The following INPP4B variants were observed in gnomAD, a reference collection of about 807,000 sequenced individuals.
INPP4B encodes the protein inositol polyphosphate 4-phosphatase type II.
Under a neutral mutation model 122.5 loss-of-function variants are expected in INPP4B, and 55 were observed. The observed-to-expected ratio is 0.45, with a 90% CI of 0.36 to 0.56. The LOEUF is 0.56. Among genes scored for constraint, INPP4B ranks in the 20% least tolerant of loss-of-function variants. The pLI is 0.00. For synonymous variants in INPP4B, 403 were observed against 388.7 expected, an observed-to-expected ratio of 1.04 and a Z score of -0.43; for missense variants, 1,000 against 1,097.7, an observed-to-expected ratio of 0.91 and a Z score of 1.26.
At chr4:142,460,624 T>C (rs894322213) in intron 3 of INPP4B, among the ~76,000 whole-genome samples, 3 of 152,148 alleles carry the variant, frequency 2.0e-5, no homozygotes. Context: ...GAGTAGTAAT[T>C]AAAAAGCAGC....
intron 7 of INPP4B, among the ~76,000 whole-genome samples, chr4:142,382,547 A>G (rs555376599): frequency 1.5e-3 from 192 of 126,718 alleles, no homozygotes; most frequent in African/African-American, 6.2e-3. Context: ...ACATATATAT[A>G]TATATTTACA....
intron 1 of INPP4B, among the ~76,000 whole-genome samples, chr4:142,843,816 T>C (rs531096150): frequency 4.6e-5 from 7 of 152,096 alleles, no homozygotes; most frequent in Non-Finnish European, 8.8e-5. Context: ...ATTGTCATCT[T>C]GGGTTCTCCC....
intron 18 of INPP4B, among the ~76,000 whole-genome samples, chr4:142,133,550 A>C (rs900702587): frequency 6.6e-6 from 1 of 152,178 alleles, no homozygotes; most frequent in Non-Finnish European, 1.5e-5. Context: ...TTAATATCTA[A>C]GTCAAATCAG....
chr4:142,088,818 T>C (rs1778071508), intron 23 of INPP4B, among the ~76,000 whole-genome samples: 1 of 152,180 alleles, frequency 6.6e-6, no homozygotes, highest in South Asian at 2.1e-4. Flanking sequence ...TCTTACGATA[T>C]AAAGACCCGA....
chr4:142,571,791 G>C (rs768842020), intron 2 of INPP4B, among the ~76,000 whole-genome samples: 5 of 152,052 alleles, frequency 3.3e-5, no homozygotes, highest in Admixed American at 6.6e-5. Context: ...AAAGTAAACA[G>C]AGCACAAGTT....
chr4:142,487,933 TG>T (rs976268839), intron 2 of INPP4B, among the ~76,000 whole-genome samples: 1 of 152,142 alleles, frequency 6.6e-6, no homozygotes, highest in African/African-American at 2.4e-5. Flanking sequence ...CTTTTTGCAT[TG>T]ATTAGGATTT....
chr4:142,679,265 C>G (rs947635013), intron 2 of INPP4B, among the ~76,000 whole-genome samples: 4 of 151,874 alleles, frequency 2.6e-5, no homozygotes, highest in Admixed American at 1.3e-4. Flanking sequence ...AAACATCTAT[C>G]TAGACCTCAA....
chr4:142,797,064 T>A (rs1777354776), intron 1 of INPP4B, among the ~76,000 whole-genome samples: 2 of 151,920 alleles, frequency 1.3e-5, no homozygotes, highest in African/African-American at 4.8e-5. Flanking sequence ...GAGATTATAT[T>A]CATCAGTGAA....
intron 1 of INPP4B, among the ~76,000 whole-genome samples, chr4:142,845,682 C>T (rs1784095466): frequency 6.6e-6 from 1 of 152,136 alleles, no homozygotes; most frequent in African/African-American, 2.4e-5. Context: ...ATCAGTCACC[C>T]TCACTCCCCA....
chr4:142,437,072 G>T (rs186120767), intron 3 of INPP4B, among the ~76,000 whole-genome samples: 1 of 152,148 alleles, frequency 6.6e-6, no homozygotes, highest in Non-Finnish European at 1.5e-5. Context: ...GAACATAAAT[G>T]ACCTGGAGCT....
intron 19 of INPP4B, 48 bp downstream of exon 19, chr4:142,124,540 T>C: frequency 6.6e-7 from 1 of 1,510,488 alleles, no homozygotes; most frequent in Non-Finnish European, 9.2e-7. Context: ...GGATAGGATG[T>C]TAACAATCCG....
chr4:142,494,417 G>A (rs1822267745), intron 2 of INPP4B, among the ~76,000 whole-genome samples: 1 of 152,066 alleles, frequency 6.6e-6, no homozygotes, highest in Non-Finnish European at 1.5e-5. Context: ...AATTTACCAA[G>A]AGAGATTTAT....
chr4:142,751,334 T>C (rs929869449), intron 1 of INPP4B, among the ~76,000 whole-genome samples: 2 of 147,748 alleles, frequency 1.4e-5, no homozygotes, highest in Non-Finnish European at 3.0e-5. Flanking sequence ...TGACCTCAAG[T>C]ATGGAGAGGG....
At chr4:142,070,419 A>T (rs1250286333) in intron 25 of INPP4B, among the ~76,000 whole-genome samples, 1 of 152,184 alleles carries the variant, frequency 6.6e-6, no homozygotes, top group Admixed American at 6.6e-5. Flanking sequence ...CCCTTTGAAA[A>T]CTGGCACAAG....
chr4:142,707,260 A>G (rs1004191848), intron 2 of INPP4B, among the ~76,000 whole-genome samples: 1 of 152,248 alleles, frequency 6.6e-6, no homozygotes, highest in African/African-American at 2.4e-5. Flanking sequence ...AAACTTAAGT[A>G]TAATTGGAAC....
intron 23 of INPP4B, among the ~76,000 whole-genome samples, chr4:142,089,502 G>A (rs920344281): frequency 6.7e-6 from 1 of 150,244 alleles, no homozygotes; most frequent in Non-Finnish European, 1.5e-5. Context: ...GAGAGAAAGT[G>A]ATAAATATCT....
intron 2 of INPP4B, among the ~76,000 whole-genome samples, chr4:142,601,968 CAAAAAAAA>C (rs70949178): frequency 1.3e-5 from 1 of 74,904 alleles, no homozygotes; most frequent in African/African-American, 5.1e-5. Context: ...GACTCCATCT[CAAAAAAAA>C]AAAAAAAAAA....
chr4:142,457,346 A>G (rs2149556243), intron 3 of INPP4B, among the ~76,000 whole-genome samples: 1 of 152,280 alleles, frequency 6.6e-6, no homozygotes, highest in East Asian at 1.9e-4. Context: ...TGAAAAGACA[A>G]GCTACACATT....
chr4:142,376,281 C>T (rs1791819391), intron 7 of INPP4B, among the ~76,000 whole-genome samples: 1 of 151,942 alleles, frequency 6.6e-6, no homozygotes, highest in Non-Finnish European at 1.5e-5. Flanking sequence ...TTGATATTAT[C>T]AGCATCCTGG....
Sources: allele counts gnomAD v4.1 joint callset (sites outside exome capture counted in the v4.1 genomes callset), GRCh38; gene constraint gnomAD v4.1.1; transcripts MANE v1.5; gene names NCBI Gene and HGNC (gene_info 2026-07-23, HGNC 2026-07-21).